The following MARK3 variants were observed in gnomAD, a reference collection of about 807,000 sequenced individuals.
The protein encoded by MARK3 is MAP/microtubule affinity-regulating kinase 3.
Under a neutral mutation model 90.1 loss-of-function variants are expected in MARK3, and 46 were observed. The ratio of observed to expected loss-of-function variants is 0.51; its 90% confidence interval spans 0.40 to 0.65. The LOEUF is 0.65. Among genes scored for constraint, MARK3 ranks in the 30% least tolerant of loss-of-function variants. The pLI is 0.00. For missense variants in MARK3, 818 were observed against 947.2 expected, an observed-to-expected ratio of 0.86 and a Z score of 1.79; for synonymous variants, 321 against 332.6, an observed-to-expected ratio of 0.97 and a Z score of 0.38.
At chr14:103,422,403 C>A (rs2092253728) in intron 2 of MARK3, among the ~76,000 whole-genome samples, 1 of 152,132 alleles carries the variant, frequency 6.6e-6, no homozygotes, top group Non-Finnish European at 1.5e-5. Flanking sequence ...TGCAGTGAGC[C>A]AAGATCGCGC....
rs1009022195 is a variant in MARK3 at position 103,500,194 on chromosome 14, G to A, written c.1910G>A (p.Gly637Asp). ...TEYERNGRYE[G>D]SSRNVSAEQK... ...TATGAGAGGAACGGGAGATATGAGG[G>A]CTCAAGGTGAGGGAAATGATTTTTA... Residue 637 changes from glycine to aspartate, a missense_variant, in exon 17 of 18, where the codon GGC (glycine) becomes GAC (aspartate). Physicochemically the swap from Gly to Asp is moderately conservative, Grantham distance 94 (BLOSUM62 -1). This residue lies in a region of MARK3 where 560 missense variants were observed against 613.5 expected (regional missense o/e 0.91). Transcript: ENST00000429436. The A allele has an allele frequency of 5.0e-6, 8 of 1,603,428 alleles. No individual in the cohort carries two copies. The highest frequency in any genetic ancestry group is 1.3e-5 in the African/African-American group (1 of 74,218).
chr14:103,390,787 T>C (rs1470305446), intron 1 of MARK3, among the ~76,000 whole-genome samples: 1 of 152,180 alleles, frequency 6.6e-6, no homozygotes, highest in East Asian at 1.9e-4. Context: ...CAGCTTGCTG[T>C]AACCTTGACC....
At chr14:103,472,426 G>A (rs2093642476) in intron 12 of MARK3, among the ~76,000 whole-genome samples, 2 of 151,832 alleles carry the variant, frequency 1.3e-5, no homozygotes, top group South Asian at 4.2e-4. Context: ...GGCGGATCAC[G>A]AGGTCAGGAG....
intron 1 of MARK3, among the ~76,000 whole-genome samples, chr14:103,404,088 AG>A (rs1428776893): frequency 2.0e-5 from 3 of 152,228 alleles, no homozygotes. Context: ...AGAAATTCAG[AG>A]GTAGATGGCG....
chr14:103,421,566 A>G (rs951271596), intron 2 of MARK3, among the ~76,000 whole-genome samples: 1 of 152,144 alleles, frequency 6.6e-6, no homozygotes, highest in Non-Finnish European at 1.5e-5. Context: ...GGCCAGAGGA[A>G]CGTCGGTCTT....
At chr14:103,418,760 C>T (rs547117284) in intron 2 of MARK3, among the ~76,000 whole-genome samples, 1 of 152,308 alleles carries the variant, frequency 6.6e-6, no homozygotes, top group South Asian at 2.1e-4. Flanking sequence ...AGAAAAACCC[C>T]ACAATCCTAA....
intron 7 of MARK3, among the ~76,000 whole-genome samples, chr14:103,463,207 C>G (rs1016831141): frequency 1.3e-5 from 2 of 150,930 alleles, no homozygotes; most frequent in Non-Finnish European, 2.9e-5. Context: ...CGCTTTTTCT[C>G]TCTTCCCTTT....
At chr14:103,450,927 T>G (rs2093129874) in intron 4 of MARK3, among the ~76,000 whole-genome samples, 3 of 51,924 alleles carry the variant, frequency 5.8e-5, no homozygotes, top group African/African-American at 5.7e-4. Context: ...TATTCTTTTT[T>G]TTTTTTTTTT....
intron 6 of MARK3, 82 bp from the exon 7 acceptor site, chr14:103,462,323 T>C (rs1034199750): frequency 2.0e-6 from 2 of 983,270 alleles, no homozygotes; most frequent in Non-Finnish European, 3.2e-6. Context: ...GTATTCATTA[T>C]GTGTGAACAT....
chr14:103,480,491 G>GT lies in MARK3; in HGVS notation c.1586+2dup. 6.3e-7 allele frequency: 1 copy of GT among 1,587,386 alleles called. No individual in the cohort carries two copies. On this transcript the variant is annotated splice_donor_variant, in intron 14 of 17. Coordinates refer to ENST00000429436, the MANE Select transcript of MARK3 (RefSeq NM_001128918.3). LOFTEE classifies it high-confidence loss of function. Reference sequence around the variant, plus strand: ...TGATTCAGAATGGCAAAGAAAACAGGTAGGAGATTCTACCTGTTTGTAAGA... The same window carrying GT: ...TGATTCAGAATGGCAAAGAAAACAGGTTAGGAGATTCTACCTGTTTGTAAGA...
intron 17 of MARK3, 96 bp downstream of exon 17, chr14:103,500,296 C>T (rs1341077630): frequency 3.3e-6 from 3 of 914,952 alleles, no homozygotes; most frequent in East Asian, 2.7e-5. Flanking sequence ...TACTGTATTC[C>T]TGCTGTCTCT....
intron 3 of MARK3, among the ~76,000 whole-genome samples, chr14:103,447,973 A>G (rs887500790): frequency 4.6e-5 from 7 of 152,080 alleles, no homozygotes; most frequent in Non-Finnish European, 1.0e-4. Flanking sequence ...GGGTTTCACC[A>G]TGTTGCCCAG....
chr14:103,409,134 C>A (rs879331392), intron 2 of MARK3, among the ~76,000 whole-genome samples: 2 of 152,106 alleles, frequency 1.3e-5, no homozygotes, highest in Non-Finnish European at 2.9e-5. Context: ...TAGGTTCTTT[C>A]TCTAGAAATG....
intron 15 of MARK3, 100 bp downstream of exon 15, chr14:103,492,134 GTCTGCCTTCAGCTCATGGTTT>G: frequency 7.3e-7 from 1 of 1,370,932 alleles, no homozygotes. Flanking sequence ...ATGCTTTTCA[GTCTGCCTTCAGCTCATGGTTT>G]TCTGGTTTTA....
chr14:103,388,959 T>G (rs1472811370), intron 1 of MARK3, among the ~76,000 whole-genome samples: 7 of 152,230 alleles, frequency 4.6e-5, no homozygotes, highest in South Asian at 2.1e-4. Flanking sequence ...AGAACAGTTT[T>G]CTTTTAGTAT....
At chr14:103,412,491 GT>G (rs1291297626) in intron 2 of MARK3, 8 of 506,362 alleles carry the variant, frequency 1.6e-5, no homozygotes, top group Non-Finnish European at 2.8e-5. Flanking sequence ...TTATTCTTGA[GT>G]TTTTTTGGCA....
rs767511859 is a variant in MARK3 at position 103,466,418 on chromosome 14, G to C, written c.973G>C (p.Asp325His). ...ELKPFVEPEL[D>H]ISDQKRIDIM... ...CAAACCATTTGTTGAACCAGAGCTA[G>C]ACATCTCAGACCAAAAAAGAATAGG... Residue 325 changes from aspartate to histidine, a missense_variant, in exon 10 of 18, where the codon GAC becomes CAC. By Grantham distance (81) the Asp-to-His change is moderately conservative. Transcript: ENST00000429436. 6.2e-7 allele frequency: 1 copy of C among 1,613,144 alleles called. No homozygotes were observed. The highest frequency in any genetic ancestry group is 1.1e-5 in the South Asian group (1 of 91,052).
chr14:103,405,404 G>A (rs2091220466), intron 2 of MARK3, 137 bp downstream of exon 2: 4 of 593,696 alleles, frequency 6.7e-6, no homozygotes, highest in African/African-American at 3.9e-5. Flanking sequence ...AGGCTGGAGT[G>A]CAGTGGCATG....
chr14:103,455,177 A>G (rs1020762828), intron 5 of MARK3, among the ~76,000 whole-genome samples: 6 of 152,172 alleles, frequency 3.9e-5, no homozygotes, highest in African/African-American at 1.4e-4. Context: ...CTTGGATTTT[A>G]TCTGTGTTAC....
Sources: gnomAD v4.1 joint callset for allele counts (sites outside exome capture counted in the v4.1 genomes callset) on GRCh38, gnomAD v4.1.1 for gene constraint, gnomAD v4.1.1 regional missense constraint, MANE v1.5 for transcripts, NCBI Gene and HGNC (gene_info 2026-07-23, HGNC 2026-07-21) for gene names.